Variants in ANK3 observed in about 807,000 individuals in gnomAD.
ANK3 encodes the protein ankyrin-3.
A neutral mutation model predicts 370.9 loss-of-function variants in ANK3; 57 were observed. The ratio of observed to expected loss-of-function variants is 0.15; its 90% CI spans 0.12 to 0.19. The LOEUF is 0.19. ANK3 is among the 10% of genes least tolerant of loss of function. ANK3 has a pLI of 1.00. For missense variants in ANK3, 4,439 were observed against 5,302.1 expected (o/e 0.84, Z 5.06); for synonymous variants, 1,929 against 1,946.3 (o/e 0.99, Z 0.23).
intron 7 of ANK3, among the ~76,000 whole-genome samples, chr10:60,244,978 G>A (rs2097531191): frequency 6.6e-6 from 1 of 152,118 alleles, no homozygotes; most frequent in Admixed American, 6.6e-5. Flanking sequence ...GACCATCCTG[G>A]CTAACACGGT....
intron 2 of ANK3, among the ~76,000 whole-genome samples, chr10:60,536,639 A>G (rs1395593193): frequency 1.3e-5 from 2 of 152,018 alleles, no homozygotes; most frequent in African/African-American, 2.4e-5. Context: ...GACTTCAAGA[A>G]AAGGTGAATC....
chr10:60,252,193 C>A (rs2097678151), intron 7 of ANK3, among the ~76,000 whole-genome samples: 1 of 152,162 alleles, frequency 6.6e-6, no homozygotes, highest in South Asian at 2.1e-4. Flanking sequence ...CCCCTTTGCC[C>A]TTTCTGTATA....
chr10:60,483,797 G>A (rs1434120285), intron 2 of ANK3, among the ~76,000 whole-genome samples: 3 of 152,092 alleles, frequency 2.0e-5, no homozygotes, highest in African/African-American at 4.8e-5. Context: ...CTATACCGCC[G>A]AACAAGACCT....
intron 25 of ANK3, among the ~76,000 whole-genome samples, chr10:60,118,477 C>A (rs938305323): frequency 5.3e-5 from 8 of 152,022 alleles, no homozygotes; most frequent in Non-Finnish European, 4.4e-5. Flanking sequence ...GATTCTAACC[C>A]GTCAAAAGCA....
chr10:60,468,204 G>A (rs1210957310), intron 2 of ANK3, among the ~76,000 whole-genome samples: 3 of 151,938 alleles, frequency 2.0e-5, no homozygotes, highest in Non-Finnish European at 2.9e-5. Context: ...GGCTGGTCTC[G>A]AACTTCTGAC....
intron 23 of ANK3, among the ~76,000 whole-genome samples, chr10:60,157,981 A>G (rs2095396490): frequency 6.6e-6 from 1 of 151,876 alleles, no homozygotes; most frequent in Non-Finnish European, 1.5e-5. Context: ...CAAAGAAATA[A>G]TAATAGGGAA....
intron 7 of ANK3, among the ~76,000 whole-genome samples, chr10:60,239,616 T>C (rs989476384): frequency 1.3e-5 from 2 of 151,952 alleles, no homozygotes; most frequent in African/African-American, 4.8e-5. Flanking sequence ...ACATAAAATG[T>C]TCAGTTCTTC....
Position 60,070,635 on chromosome 10 carries a change from C to A in ANK3, c.10246G>T (p.Asp3416Tyr). The change falls in exon 37 of 44, where the codon GAT becomes TAT. Residue 3416 changes from aspartate to tyrosine, a missense_variant. Asp to Tyr is a radical substitution (Grantham distance 160). This residue lies in a region of ANK3 where 1,601 missense variants were observed against 1,731.7 expected (regional missense o/e 0.92). Transcript: ENST00000280772. This position sits in a 1 kb window ranked among gnomAD's most constrained non-coding sequence, Gnocchi z 5.7. The stretch of plus-strand genomic sequence containing the variant: ...TCTTCATCTTGCAGGTCATAGCCAT[C>A]CAGAGAGTCGATCTCTGTGGCATCC... ...DTDATEIDSL[D>Y]GYDLQDEDDG... 1 of 1,614,140 alleles carries A rather than the reference C, an allele frequency of 6.2e-7. No individual in the cohort carries two copies.
At chr10:60,053,978 C>T (rs1352833589) in intron 42 of ANK3, among the ~76,000 whole-genome samples, 6 of 152,106 alleles carry the variant, frequency 3.9e-5, no homozygotes, top group Non-Finnish European at 8.8e-5. Context: ...ACAAGAAATC[C>T]TGAAAATGTT....
Position 60,704,820 on chromosome 10 carries a change from A to G in ANK3, c.57+28443T>C, listed in dbSNP as rs558339191. On this transcript the variant is annotated intron_variant, in intron 1 of 43. Coordinates refer to the ANK3 transcript ENST00000373827. Reference sequence around the variant, plus strand: ...GACAATTACAACATGTTTTATTAATAGATCTCCTAGCACTCCAAGTTAGGT... The same window carrying G: ...GACAATTACAACATGTTTTATTAATGGATCTCCTAGCACTCCAAGTTAGGT... Among the ~76,000 whole-genome samples the G allele has an allele frequency of 2.6e-5, 4 of 152,356 alleles. No individual in the cohort carries two copies. In the South Asian group the frequency reaches 6.2e-4, roughly 24 times the overall value.
chr10:60,596,092 G>A (rs2077984876), intron 2 of ANK3, among the ~76,000 whole-genome samples: 1 of 152,162 alleles, frequency 6.6e-6, no homozygotes, highest in East Asian at 1.9e-4. Flanking sequence ...GGCTCAGTGA[G>A]GAAAAGAAGA....
rs181041445 is a variant in ANK3, at chr10:60,654,819, T to C, written c.58-39595A>G. Among the ~76,000 whole-genome samples the C allele has an allele frequency of 1.9e-4, 29 of 152,318 alleles. No individual in the cohort carries two copies. In the East Asian group the frequency reaches 5.4e-3, roughly 28 times the overall value. ...AAATGGATTGAAAAGTATTCCTTCC[T>C]CTATTTTCTCAAAGAGTTTGTGTAG... On this transcript the variant is annotated intron_variant, in intron 1 of 43. Coordinates refer to the ANK3 transcript ENST00000373827.
At chr10:60,572,568 C>A in intron 2 of ANK3, 2 of 1,529,950 alleles carry the variant, frequency 1.3e-6, no homozygotes, top group Non-Finnish European at 1.7e-6. Context: ...GACAGATCAC[C>A]GCCGGTATTC....
In ANK3 at chr10:60,562,680, T is replaced by C. The variant is rs533554273; in HGVS notation, c.96+52506A>G. The stretch of plus-strand genomic sequence containing the variant: ...TGACAGAGGATTTCAGAGACAAAGG[T>C]TGTAAAATCAATAGAGGTTGAAAGA... On this transcript the variant is annotated intron_variant, in intron 2 of 43. Transcript: ENST00000373827. 2.2e-3 allele frequency among the ~76,000 whole-genome samples: 339 copies of C among 152,286 alleles called. 3 individuals are homozygous for C. The highest frequency in any genetic ancestry group is 7.6e-3 in the African/African-American group (317 of 41,544).
exon 1 of ANK3, chr10:60,733,315 G>A: frequency 8.1e-7 from 1 of 1,235,270 alleles, no homozygotes; most frequent in Non-Finnish European, 1.0e-6. Context: ...GGCGGAGGAG[G>A]CCATGTTGTG....
intron 2 of ANK3, among the ~76,000 whole-genome samples, chr10:60,585,315 T>C (rs16915156): frequency 0.2 from 30,543 of 152,120 alleles, 3,553 homozygotes; most frequent in East Asian, 0.38. Context: ...ATATTGGTTG[T>C]TATTGTCAAC....
At chr10:60,380,510 G>A (rs7090182) in intron 1 of ANK3, among the ~76,000 whole-genome samples, 2,864 of 152,246 alleles carry the variant, frequency 0.019, 49 homozygotes, top group African/African-American at 0.049. Flanking sequence ...AACTTTCAGA[G>A]TATAACTTCC....
rs2054268480 is a variant in ANK3 at position 60,341,481 on chromosome 10, A to G, written c.114+47944T>C. On this transcript the variant is annotated intron_variant, in intron 1 of 43. Transcript: ENST00000280772. Reference sequence around the variant, plus strand: ...TTAGGGCTCATAATTAATTGATATAAGTAGATAATATCAGAGGTCCCACTA... The same window carrying G: ...TTAGGGCTCATAATTAATTGATATAGGTAGATAATATCAGAGGTCCCACTA... Among the ~76,000 whole-genome samples the G allele has an allele frequency of 2.0e-5, 3 of 152,310 alleles. No homozygotes were observed. The South Asian group carries it at 6.2e-4, about 32-fold the overall frequency.
At chr10:60,348,671 A>G (rs2132687465) in intron 1 of ANK3, among the ~76,000 whole-genome samples, 1 of 152,304 alleles carries the variant, frequency 6.6e-6, no homozygotes, top group Non-Finnish European at 1.5e-5. Flanking sequence ...GGCTAACAGC[A>G]GTAGTGGTGG....
Sources: gnomAD v4.1 joint callset for allele counts (sites outside exome capture counted in the v4.1 genomes callset) on GRCh38, gnomAD v4.1.1 for gene constraint, gnomAD v4.1.1 regional missense constraint, Gnocchi (gnomAD v3.1) non-coding constraint, MANE v1.5 for transcripts, NCBI Gene and HGNC (gene_info 2026-07-23, HGNC 2026-07-21) for gene names.